ARHGEF11: variants seen among roughly 807,000 people sequenced by gnomAD.
The protein encoded by ARHGEF11 is Rho guanine exchange factor (GEF) 11.
ARHGEF11 carries 55 observed loss-of-function variants against 193.7 expected under a neutral mutation model. The observed-to-expected ratio is 0.28, with a 90% CI of 0.23 to 0.36. The LOEUF (loss-of-function observed/expected upper bound fraction) is 0.36, where lower values mean the gene tolerates loss of function less well. ARHGEF11 is among the 10% of genes least tolerant of loss of function. The pLI is 1.00. For missense variants in ARHGEF11, 1,723 were observed against 2,005.6 expected, an observed-to-expected ratio of 0.86 and a Z score of 2.69; for synonymous variants, 693 against 768.0, an observed-to-expected ratio of 0.90 and a Z score of 1.62.
intron 9 of ARHGEF11, 82 bp from the exon 10 acceptor site, chr1:156,969,440 AG>A (rs749501862): frequency 7.4e-7 from 1 of 1,356,212 alleles, no homozygotes; most frequent in Non-Finnish European, 1.0e-6. Context: ...ACCTGTGTGC[AG>A]GGCAGGAAGA....
chr1:157,003,798 C>T (rs1667481342), intron 1 of ARHGEF11, among the ~76,000 whole-genome samples: 1 of 152,168 alleles, frequency 6.6e-6, no homozygotes, highest in African/African-American at 2.4e-5. Context: ...GGGCCATGAC[C>T]TCAGGTAACA....
At chr1:157,040,660 G>A (rs1672626130) in intron 1 of ARHGEF11, among the ~76,000 whole-genome samples, 1 of 152,156 alleles carries the variant, frequency 6.6e-6, no homozygotes, top group Non-Finnish European at 1.5e-5. Context: ...AATAAAGCCA[G>A]TTCACTCTGC....
intron 1 of ARHGEF11, among the ~76,000 whole-genome samples, chr1:157,010,074 C>G (rs536709479): frequency 6.6e-6 from 1 of 152,304 alleles, no homozygotes; most frequent in East Asian, 1.9e-4. Context: ...TGGCTCATGC[C>G]TGTAACCTCA....
At chr1:156,994,390 G>GAGT (rs1553220919) in intron 1 of ARHGEF11, among the ~76,000 whole-genome samples, 1 of 25,444 alleles carries the variant, frequency 3.9e-5, no homozygotes, top group Non-Finnish European at 8.9e-5. Flanking sequence ...GTTTTATTGT[G>GAGT]TGTTTTTTTT....
intron 6 of ARHGEF11, 37 bp from the exon 7 acceptor site, chr1:156,977,091 A>G (rs763290118): frequency 4.5e-6 from 7 of 1,542,980 alleles, no homozygotes; most frequent in Non-Finnish European, 6.3e-6. Context: ...AGAGTTAGGG[A>G]CTAACTCAAC....
intron 1 of ARHGEF11, among the ~76,000 whole-genome samples, chr1:156,991,440 C>T (rs1368026087): frequency 6.6e-6 from 1 of 152,140 alleles, no homozygotes; most frequent in Non-Finnish European, 1.5e-5. Context: ...CTGCCTTAGC[C>T]TCCCAAGTAG....
At chr1:156,964,342 C>T (rs1383149386) in intron 11 of ARHGEF11, among the ~76,000 whole-genome samples, 1 of 152,204 alleles carries the variant, frequency 6.6e-6, no homozygotes, top group Non-Finnish European at 1.5e-5. Context: ...CTTCACTGAA[C>T]AAATTTTTCT....
intron 8 of ARHGEF11, among the ~76,000 whole-genome samples, chr1:156,971,440 A>G (rs1481846976): frequency 1.3e-5 from 2 of 152,208 alleles, no homozygotes; most frequent in Non-Finnish European, 2.9e-5. Flanking sequence ...TGTTTATTTC[A>G]TATTTCTTTC....
intron 1 of ARHGEF11, among the ~76,000 whole-genome samples, chr1:156,996,207 A>C (rs1210667597): frequency 6.6e-6 from 1 of 152,220 alleles, no homozygotes; most frequent in Non-Finnish European, 1.5e-5. Flanking sequence ...AAATTCTTCA[A>C]TGCCCCAGAT....
chr1:156,999,959 A>G (rs1667010724), intron 1 of ARHGEF11, among the ~76,000 whole-genome samples: 1 of 152,202 alleles, frequency 6.6e-6, no homozygotes, highest in Admixed American at 6.5e-5. Flanking sequence ...ACCACTCTAC[A>G]AGAGTATCTT....
chr1:157,025,886 A>C (rs920996434), intron 1 of ARHGEF11, among the ~76,000 whole-genome samples: 1 of 152,224 alleles, frequency 6.6e-6, no homozygotes, highest in Non-Finnish European at 1.5e-5. Flanking sequence ...CTTCCTTACA[A>C]GTCTGTGATG....
chr1:156,963,122 C>G, intron 13 of ARHGEF11, 81 bp downstream of exon 13: 1 of 1,099,158 alleles, frequency 9.1e-7, no homozygotes, highest in Admixed American at 1.9e-5. Context: ...TTGTAACAGC[C>G]AGGGAGCAGA....
In ARHGEF11 at chr1:157,044,305, A is replaced by G. The variant is rs770262662; in HGVS notation, c.26T>C (p.Ile9Thr). The stretch of plus-strand genomic sequence containing the variant: ...AAATTATTAGCAAACCTACCTGTCT[A>G]TACTCTGGGGTAACCTTACACTCAT... The part of the protein sequence containing the change: MSVRLPQS[I>T]DRLSSLSSLG... The change falls in exon 1 of 41, where the codon ATA becomes ACA. Residue 9 changes from isoleucine to threonine, a missense_variant. By Grantham distance (89) the Ile-to-Thr change is moderately conservative. Around this residue, in one of 5 missense-constraint regions of ARHGEF11, gnomAD observed 646 missense variants for 710.7 expected, o/e 0.91. Transcript: ENST00000368194. 7 of 1,612,862 alleles carry G rather than the reference A, an allele frequency of 4.3e-6. No homozygotes were observed. The Admixed American group carries it at 1.2e-4, about 27-fold the overall frequency.
At chr1:156,976,148 T>G (rs928370881) in intron 7 of ARHGEF11, among the ~76,000 whole-genome samples, 2 of 152,144 alleles carry the variant, frequency 1.3e-5, no homozygotes, top group African/African-American at 4.8e-5. Flanking sequence ...ATCTAGCATA[T>G]AGCAAGGACT....
Position 156,951,455 on chromosome 1 carries a change from AAAGGGAGCCTTAGAAGCTAGTGGAG to A in ARHGEF11, c.1925+93_1925+117del, listed in dbSNP as rs1468047243. The A allele has an allele frequency of 2.7e-5, 38 of 1,408,312 alleles. No homozygotes were observed. In the Middle Eastern group the frequency reaches 1.3e-3, roughly 48 times the overall value. The allele number at this position is 1,408,312 out of a possible 1,614,324, so 87.2% of individuals were successfully genotyped here. Reference sequence around the variant, plus strand: ...ACTGGGGGTGGGGAGGAAGTTCTGTAAAGGGAGCCTTAGAAGCTAGTGGAGAGGGGTCAAGTAGCTGGAATTAAAC... The same window carrying A: ...ACTGGGGGTGGGGAGGAAGTTCTGTAAGGGGTCAAGTAGCTGGAATTAAAC... On this transcript the variant is annotated intron_variant, in intron 22 of 40. Coordinates refer to ENST00000368194, the MANE Select transcript of ARHGEF11 (RefSeq NM_198236.3).
chr1:156,995,710 T>G (rs1666389733), intron 1 of ARHGEF11, among the ~76,000 whole-genome samples: 1 of 150,942 alleles, frequency 6.6e-6, no homozygotes, highest in East Asian at 1.9e-4. Context: ...GCTTGTTTTT[T>G]TTTTTTTTTT....
chr1:156,979,081 C>A, intron 5 of ARHGEF11, 148 bp downstream of exon 5: 1 of 710,348 alleles, frequency 1.4e-6, no homozygotes, highest in South Asian at 1.7e-5. Context: ...TGGATCACTC[C>A]ATGTTACGAT....
chr1:156,956,464 G>A lies in ARHGEF11; in HGVS notation c.1627C>T (p.Pro543Ser). The A allele has an allele frequency of 6.2e-7, 1 of 1,614,136 alleles. No homozygotes were observed. Among genetic ancestry groups the A allele is most frequent in the South Asian group, 1.1e-5 (1 of 91,072 alleles). ...SNTAEKAQSA[P>S]DKDKWLPFFP... ...AACGGTAGCCACTTGTCCTTGTCAG[G>A]AGCAGACTGGGCCTTTTCAGCTGTG... The change falls in exon 19 of 41, where the codon CCT becomes TCT. Residue 543 changes from proline to serine, a missense_variant. Coordinates refer to ENST00000368194, the MANE Select transcript of ARHGEF11 (RefSeq NM_198236.3).
chr1:156,969,867 C>T (rs1243312797), intron 9 of ARHGEF11, 131 bp downstream of exon 9: 1 of 885,588 alleles, frequency 1.1e-6, no homozygotes, highest in African/African-American at 1.7e-5. Flanking sequence ...TGCTTTCTCC[C>T]ATTATTTCAT....
Sources: allele counts gnomAD v4.1 joint callset (sites outside exome capture counted in the v4.1 genomes callset), GRCh38; gene constraint gnomAD v4.1.1; regional missense constraint gnomAD v4.1.1; transcripts MANE v1.5; gene names NCBI Gene and HGNC (gene_info 2026-07-23, HGNC 2026-07-21).